Variants in MAP1LC3B observed in about 807,000 individuals in gnomAD.
MAP1LC3B encodes microtubule associated protein 1 light chain 3 beta.
A neutral mutation model predicts 16.7 loss-of-function variants in MAP1LC3B; 12 were observed. That is an observed-to-expected ratio of 0.72 (90% CI 0.46 to 1.16). The LOEUF (loss-of-function observed/expected upper bound fraction) is 1.16. Among genes scored for constraint, MAP1LC3B ranks in the 50% most tolerant of loss-of-function variants. MAP1LC3B has a pLI of 0.00. For synonymous variants in MAP1LC3B, 63 were observed against 56.5 expected, an observed-to-expected ratio of 1.11 and a Z score of -0.51; for missense variants, 155 against 159.5, an observed-to-expected ratio of 0.97 and a Z score of 0.15.
At chr16:87,399,920 C>T (rs912604650) in intron 2 of MAP1LC3B, 6 of 198,636 alleles carry the variant, frequency 3.0e-5, no homozygotes, top group South Asian at 7.0e-5. Flanking sequence ...ACTACAGGCA[C>T]GTGCCACTAC....
chr16:87,402,308 A>G (rs1287434307), intron 3 of MAP1LC3B, 27 bp downstream of exon 3: 2 of 1,595,570 alleles, frequency 1.3e-6, no homozygotes, highest in South Asian at 1.1e-5. Context: ...GTTTCATAAT[A>G]TATTTCCTTT....
At chr16:87,401,735 GA>G (rs1369579402) in intron 2 of MAP1LC3B, among the ~76,000 whole-genome samples, 1 of 152,062 alleles carries the variant, frequency 6.6e-6, no homozygotes, top group Non-Finnish European at 1.5e-5. Flanking sequence ...TTGCCATGTT[GA>G]CCAGGCTGGT....
chr16:87,402,387 AT>A (rs1567501734), intron 3 of MAP1LC3B, 106 bp downstream of exon 3: 2 of 1,048,602 alleles, frequency 1.9e-6, no homozygotes, highest in Admixed American at 2.9e-5. Flanking sequence ...TTTAAAAAAT[AT>A]TTTTCAGCTG....
At chr16:87,400,864 G>A (rs1008301043) in intron 2 of MAP1LC3B, among the ~76,000 whole-genome samples, 2 of 151,952 alleles carry the variant, frequency 1.3e-5, no homozygotes, top group African/African-American at 4.8e-5. Context: ...GGCCGGACGC[G>A]GTGGCTCACG....
intron 3 of MAP1LC3B, among the ~76,000 whole-genome samples, 159 bp from the exon 4 acceptor site, chr16:87,402,764 T>C (rs1357704055): frequency 6.6e-6 from 1 of 152,260 alleles, no homozygotes; most frequent in Non-Finnish European, 1.5e-5. Context: ...CATGTCAATA[T>C]AATCAAAGGA....
intron 1 of MAP1LC3B, among the ~76,000 whole-genome samples, chr16:87,398,572 T>C (rs185455372): frequency 1.3e-5 from 2 of 152,386 alleles, no homozygotes; most frequent in African/African-American, 2.4e-5. Flanking sequence ...AGTTGTCCCA[T>C]ATTCCTGGTC....
At chr16:87,402,104 G>T in intron 2 of MAP1LC3B, 71 bp from the exon 3 acceptor site, 2 of 1,496,490 alleles carry the variant, frequency 1.3e-6, no homozygotes, top group South Asian at 1.2e-5. Context: ...CAAAATGCTG[G>T]GGTTACAGGT....
chr16:87,403,206 C>T lies in MAP1LC3B; in HGVS notation c.*109C>T. 4.3e-6 allele frequency: 6 copies of T among 1,382,488 alleles called. No individual in the cohort carries two copies. The highest frequency in any genetic ancestry group is 1.4e-5 in the South Asian group (1 of 69,996). The allele number at this position is 1,382,488 out of a possible 1,614,324, so 85.6% of individuals were successfully genotyped here. A position where few individuals can be genotyped will look rare whatever the true frequency, so the allele number is the denominator to read the frequency against. ...GTTCATCCAATCACAGATCATGAAA[C>T]AGTAGTGTTCCCACCTAGGAGTGTT... On this transcript the variant is annotated 3_prime_UTR_variant, in exon 4 of 4. Transcript: ENST00000268607.
chr16:87,392,550 G>T, intron 1 of MAP1LC3B, 83 bp downstream of exon 1: 3 of 1,174,350 alleles, frequency 2.6e-6, no homozygotes, highest in Middle Eastern at 3.3e-4. Context: ...ACGCCGTGAG[G>T]GGTCGGGGCC....
chr16:87,402,553 A>G, intron 3 of MAP1LC3B: 2 of 553,846 alleles, frequency 3.6e-6, no homozygotes, highest in East Asian at 3.0e-5. Context: ...CAGTGTTACA[A>G]GTTATTAAGG....
At chr16:87,394,505 G>C (rs1307136493) in intron 1 of MAP1LC3B, among the ~76,000 whole-genome samples, 2 of 152,178 alleles carry the variant, frequency 1.3e-5, no homozygotes, top group African/African-American at 4.8e-5. Context: ...AACTCTACCA[G>C]GATTGACAGG....
chr16:87,398,185 G>T (rs1021830447), intron 1 of MAP1LC3B, among the ~76,000 whole-genome samples: 20 of 151,990 alleles, frequency 1.3e-4, no homozygotes, highest in African/African-American at 4.3e-4. Context: ...ATCACGCCCG[G>T]CTAATTTTTA....
At chr16:87,393,971 A>C (rs1907707643) in intron 1 of MAP1LC3B, among the ~76,000 whole-genome samples, 1 of 152,112 alleles carries the variant, frequency 6.6e-6, no homozygotes, top group Non-Finnish European at 1.5e-5. Flanking sequence ...TTTGCTTAGT[A>C]CTTTTGGGTT....
intron 1 of MAP1LC3B, chr16:87,393,330 T>C (rs929368519): frequency 6.6e-6 from 1 of 152,212 alleles, no homozygotes; most frequent in Admixed American, 6.5e-5. Flanking sequence ...GTATCTGTTG[T>C]TGCCTAAGTT....
rs779824034 is a variant in MAP1LC3B, at chr16:87,398,912, AGAG to A, written c.96+46_96+48del. 4 of 1,556,512 alleles carry A rather than the reference AGAG, an allele frequency of 2.6e-6. No homozygotes were observed. The African/African-American group carries it at 4.1e-5, about 16-fold the overall frequency. ...CTCGGTTTCAGTCATGAATGTACGC[AGAG>A]GAGAGCACCGCATAAGTGCATCCAC... On this transcript the variant is annotated intron_variant, in intron 2 of 3. Coordinates refer to ENST00000268607, the MANE Select transcript of MAP1LC3B (RefSeq NM_022818.5).
chr16:87,392,450 A>C lies in MAP1LC3B; in HGVS notation c.23A>C (p.Lys8Thr). ...ACCATGCCGTCGGAGAAGACCTTCA[A>C]GCAGCGCCGCACCTTCGGTGAGTGT... The part of the protein sequence containing the change: MPSEKTF[K>T]QRRTFEQRVE... The change falls in exon 1 of 4, where the codon AAG (lysine) becomes ACG (threonine). Residue 8 changes from lysine to threonine, a missense_variant. Lys to Thr is a moderately conservative substitution (Grantham distance 78). Coordinates refer to ENST00000268607, the MANE Select transcript of MAP1LC3B (RefSeq NM_022818.5). The C allele has an allele frequency of 7.2e-7, 1 of 1,396,824 alleles. No individual in the cohort carries two copies. Among genetic ancestry groups the C allele is most frequent in the Non-Finnish European group, 9.2e-7 (1 of 1,085,090 alleles). The allele number at this position is 1,396,824 out of a possible 1,614,324, so 86.5% of individuals were successfully genotyped here.
chr16:87,401,336 C>T (rs1012254933), intron 2 of MAP1LC3B, among the ~76,000 whole-genome samples: 1 of 152,104 alleles, frequency 6.6e-6, no homozygotes, highest in East Asian at 1.9e-4. Context: ...CAAGTATCTT[C>T]CCCCACTTCC....
At chr16:87,395,886 G>T (rs1907783351) in intron 1 of MAP1LC3B, among the ~76,000 whole-genome samples, 1 of 109,170 alleles carries the variant, frequency 9.2e-6, no homozygotes. Flanking sequence ...TTTGAGACAG[G>T]ATCTCGCGCT....
chr16:87,401,573 C>T (rs1267562464), intron 2 of MAP1LC3B, among the ~76,000 whole-genome samples: 1 of 152,160 alleles, frequency 6.6e-6, no homozygotes, highest in East Asian at 1.9e-4. Flanking sequence ...AGCTCTATGC[C>T]CTAGGCTGGA....
Sources: allele counts gnomAD v4.1 joint callset (sites outside exome capture counted in the v4.1 genomes callset), GRCh38; gene constraint gnomAD v4.1.1; transcripts MANE v1.5; gene names NCBI Gene and HGNC (gene_info 2026-07-23, HGNC 2026-07-21).